The following ZBTB20 variants were observed in gnomAD, a reference collection of about 807,000 sequenced individuals.
ZBTB20 encodes the protein zinc finger and BTB domain containing 20.
In ZBTB20, 9 loss-of-function variants were observed where a neutral mutation model predicts 56.9. The observed-to-expected ratio is 0.16, with a 90% CI of 0.10 to 0.28. The LOEUF is 0.28. ZBTB20 is among the 10% of genes least tolerant of loss of function. ZBTB20 has a pLI of 1.00. For missense variants in ZBTB20, 655 were observed against 1,003.0 expected, an observed-to-expected ratio of 0.65 and a Z score of 4.69; for synonymous variants, 417 against 420.7, an observed-to-expected ratio of 0.99 and a Z score of 0.11.
At chr3:114,373,064 G>A (rs893620480) in intron 10 of ZBTB20, among the ~76,000 whole-genome samples, 29 of 151,842 alleles carry the variant, frequency 1.9e-4, no homozygotes, top group Admixed American at 2.0e-4. Context: ...CTAGAGGCAC[G>A]TGCCACCATG....
At chr3:114,479,167 T>G (rs1181234784) in intron 7 of ZBTB20, among the ~76,000 whole-genome samples, 1 of 152,064 alleles carries the variant, frequency 6.6e-6, no homozygotes, top group African/African-American at 2.4e-5. Context: ...AAGCAGAGAA[T>G]TTGCTAGCCT....
intron 7 of ZBTB20, among the ~76,000 whole-genome samples, chr3:114,442,510 C>G (rs977116074): frequency 1.3e-5 from 2 of 152,150 alleles, no homozygotes; most frequent in Non-Finnish European, 2.9e-5. Context: ...ATCTGCAAAA[C>G]TTTCTTCTCT....
chr3:114,475,315 A>G (rs1246965901), intron 7 of ZBTB20, among the ~76,000 whole-genome samples: 2 of 151,964 alleles, frequency 1.3e-5, no homozygotes, highest in African/African-American at 4.8e-5. Context: ...CTCCAAGAAT[A>G]CCTTATCTGT....
chr3:114,647,925 A>G lies in ZBTB20; in HGVS notation c.-295+45603T>C, dbSNP rs553131463. Among the ~76,000 whole-genome samples the G allele has an allele frequency of 2.0e-5, 3 of 152,334 alleles. No homozygotes were observed. In the South Asian group the frequency reaches 6.2e-4, roughly 32 times the overall value. On this transcript the variant is annotated intron_variant, in intron 6 of 11. Transcript: ENST00000675478. Reference sequence around the variant, plus strand: ...GTAGAAGAAAAATGATTAATCTCCAACTTCTGTCATTGGAAAATAACTAAA... The same window carrying G: ...GTAGAAGAAAAATGATTAATCTCCAGCTTCTGTCATTGGAAAATAACTAAA...
chr3:114,813,726 G>T (rs2072724721), intron 4 of ZBTB20, among the ~76,000 whole-genome samples: 1 of 152,176 alleles, frequency 6.6e-6, no homozygotes, highest in East Asian at 1.9e-4. Context: ...ACTCCAGCCT[G>T]GGTGACAGAG....
intron 7 of ZBTB20, among the ~76,000 whole-genome samples, chr3:114,420,838 G>C (rs1399388860): frequency 6.6e-6 from 1 of 152,120 alleles, no homozygotes; most frequent in Non-Finnish European, 1.5e-5. Context: ...CTGAATAACA[G>C]ATTCTGGAAA....
intron 4 of ZBTB20, among the ~76,000 whole-genome samples, chr3:114,888,997 G>C (rs2076709002): frequency 6.6e-6 from 1 of 151,652 alleles, no homozygotes; most frequent in Non-Finnish European, 1.5e-5. Context: ...CTTTTGATAT[G>C]CTTAACAAAA....
intron 2 of ZBTB20, among the ~76,000 whole-genome samples, chr3:114,988,506 G>A (rs1488906092): frequency 6.6e-6 from 1 of 151,982 alleles, no homozygotes; most frequent in East Asian, 1.9e-4. Context: ...ATCATTGATG[G>A]ACATTTGGGT....
At chr3:114,888,856 T>G (rs887037541) in intron 4 of ZBTB20, among the ~76,000 whole-genome samples, 3 of 152,120 alleles carry the variant, frequency 2.0e-5, no homozygotes, top group Non-Finnish European at 4.4e-5. Context: ...AACATTTTAG[T>G]TAATTTTCAA....
intron 6 of ZBTB20, among the ~76,000 whole-genome samples, chr3:114,555,989 T>C (rs753324268): frequency 6.6e-6 from 1 of 152,092 alleles, no homozygotes; most frequent in Non-Finnish European, 1.5e-5. Context: ...ATAGGTGTCA[T>C]TGCCTTCCAC....
chr3:114,759,877 A>G (rs1240387829), intron 5 of ZBTB20, among the ~76,000 whole-genome samples: 4 of 152,162 alleles, frequency 2.6e-5, no homozygotes, highest in Non-Finnish European at 5.9e-5. Flanking sequence ...CAAAGCCACC[A>G]AACAGATAGT....
rs560203608 is a variant in ZBTB20 at position 114,989,186 on chromosome 3, T to A, written c.-506-14770A>T. On this transcript the variant is annotated intron_variant, in intron 2 of 11. Coordinates refer to ENST00000675478, the MANE Select transcript of ZBTB20 (RefSeq NM_001348800.3). ...CATGAAGTCCTTGCCCATGCCTATGTCCTGAATGGTATTGCCTAGGTTTTC... is the reference window on the plus strand; with the variant it reads ...CATGAAGTCCTTGCCCATGCCTATGACCTGAATGGTATTGCCTAGGTTTTC... Among the ~76,000 whole-genome samples, 93 of 152,302 alleles carry A rather than the reference T, an allele frequency of 6.1e-4. 1 individual carries two copies. In the South Asian group the frequency reaches 0.014, roughly 23 times the overall value.
intron 6 of ZBTB20, among the ~76,000 whole-genome samples, chr3:114,624,601 A>G (rs1270518476): frequency 1.3e-5 from 2 of 152,224 alleles, no homozygotes; most frequent in African/African-American, 4.8e-5. Context: ...AGCAATTTCA[A>G]CAGTGTCACT....
chr3:114,429,708 A>T (rs1260976614), intron 7 of ZBTB20, among the ~76,000 whole-genome samples: 3 of 152,180 alleles, frequency 2.0e-5, no homozygotes, highest in African/African-American at 7.2e-5. Context: ...TGGAAAAAAA[A>T]AACCTCCAAT....
intron 2 of ZBTB20, among the ~76,000 whole-genome samples, chr3:115,053,197 C>A (rs2081618901): frequency 6.6e-6 from 1 of 152,210 alleles, no homozygotes; most frequent in Non-Finnish European, 1.5e-5. Context: ...AGCATTTGAT[C>A]TATCCCTTTA....
intron 3 of ZBTB20, among the ~76,000 whole-genome samples, chr3:114,970,574 T>A (rs750056192): frequency 2.6e-5 from 4 of 152,134 alleles, no homozygotes; most frequent in Non-Finnish European, 4.4e-5. Flanking sequence ...AGAAAGCAAA[T>A]AAGGTAAATG....
rs550654327 is a variant in ZBTB20 at position 114,344,200 on chromosome 3, A to G, written c.1805-4774T>C. Among the ~76,000 whole-genome samples, 4 of 152,364 alleles carry G rather than the reference A, an allele frequency of 2.6e-5. No homozygotes were observed. The South Asian group carries it at 6.2e-4, about 24-fold the overall frequency. ...ATTGGGAACATGCTGCATTCACAAA[A>G]TATCTGTGGCTTCAGTGACAACTAA... is the stretch of plus-strand genomic sequence containing the variant. On this transcript the variant is annotated intron_variant, in intron 11 of 11. Coordinates refer to ENST00000675478, the MANE Select transcript of ZBTB20 (RefSeq NM_001348800.3).
chr3:115,071,818 A>T (rs1361967926), intron 1 of ZBTB20, among the ~76,000 whole-genome samples: 1 of 152,158 alleles, frequency 6.6e-6, no homozygotes, highest in Non-Finnish European at 1.5e-5. Flanking sequence ...GAAACTAACA[A>T]TGCCTGCTGC....
At chr3:114,803,430 T>G (rs1306178235) in intron 4 of ZBTB20, among the ~76,000 whole-genome samples, 1 of 151,840 alleles carries the variant, frequency 6.6e-6, no homozygotes, top group Non-Finnish European at 1.5e-5. Context: ...AACAGGACCA[T>G]TTTGTGGCAC....
Sources: gnomAD v4.1 joint callset for allele counts (sites outside exome capture counted in the v4.1 genomes callset) on GRCh38, gnomAD v4.1.1 for gene constraint, MANE v1.5 for transcripts, NCBI Gene and HGNC (gene_info 2026-07-23, HGNC 2026-07-21) for gene names.